The following MAP3K21 variants were observed in gnomAD, a reference collection of about 807,000 sequenced individuals.
MAP3K21 encodes the protein mitogen-activated protein kinase kinase kinase 21.
A neutral mutation model predicts 86.1 loss-of-function variants in MAP3K21; 63 were observed. The observed-to-expected ratio is 0.73, with a 90% confidence interval of 0.60 to 0.90. The LOEUF (loss-of-function observed/expected upper bound fraction) is 0.90. Among genes scored for constraint, MAP3K21 ranks in the 40% least tolerant of loss-of-function variants. The pLI is 0.00. For missense variants in MAP3K21, 1,220 were observed against 1,367.7 expected, an observed-to-expected ratio of 0.89 and a Z score of 1.70; for synonymous variants, 558 against 564.8, an observed-to-expected ratio of 0.99 and a Z score of 0.17.
chr1:233,376,387 T>C (rs1180223360), intron 7 of MAP3K21, 43 bp from the exon 8 acceptor site: 2 of 1,367,710 alleles, frequency 1.5e-6, no homozygotes, highest in African/African-American at 2.9e-5. Context: ...ATTGGTGTGT[T>C]GTGTGCTTCT....
intron 1 of MAP3K21, among the ~76,000 whole-genome samples, chr1:233,331,903 A>G (rs1342807066): frequency 6.6e-6 from 1 of 152,246 alleles, no homozygotes; most frequent in Non-Finnish European, 1.5e-5. Context: ...GTGCCAAGTT[A>G]GCAAGCTTTA....
At chr1:233,336,467 G>A (rs562509139) in intron 1 of MAP3K21, among the ~76,000 whole-genome samples, 4 of 152,090 alleles carry the variant, frequency 2.6e-5, no homozygotes, top group Non-Finnish European at 4.4e-5. Flanking sequence ...CTTGAATCAA[G>A]GAGGTGGAGG....
chr1:233,381,012 G>A (rs1663903084), intron 9 of MAP3K21, among the ~76,000 whole-genome samples: 1 of 152,162 alleles, frequency 6.6e-6, no homozygotes, highest in Non-Finnish European at 1.5e-5. Flanking sequence ...TGACATTTGA[G>A]GAGATAATAT....
chr1:233,354,596 A>G (rs1156301906), intron 3 of MAP3K21, among the ~76,000 whole-genome samples: 1 of 152,204 alleles, frequency 6.6e-6, no homozygotes, highest in Non-Finnish European at 1.5e-5. Context: ...TAATATAGAC[A>G]GCAACAGCCT....
chr1:233,354,392 G>T (rs10797449), intron 3 of MAP3K21, among the ~76,000 whole-genome samples: 1 of 151,872 alleles, frequency 6.6e-6, no homozygotes, highest in Admixed American at 6.6e-5. Context: ...TTTGTAAGCC[G>T]CAAGTTGCCT....
At position 233,383,190 on chromosome 1, in the gene MAP3K21, A is replaced by G. The variant is rs1663953629; in HGVS notation, c.*479A>G. The G allele has an allele frequency of 6.5e-6, 1 of 154,586 alleles. No homozygotes were observed. The highest frequency in any genetic ancestry group is 2.4e-5 in the African/African-American group (1 of 41,348). 9.6% of individuals were successfully genotyped at this position (154,586 alleles called of 1,614,324 possible). On this transcript the variant is annotated 3_prime_UTR_variant, in exon 10 of 10. Transcript: ENST00000366624. ...CATTTTTGCAACAAAAAGCCAAGAAAGAGCTTTAGTTTCTTGGCAAGAATA... is the reference window on the plus strand; with the variant it reads ...CATTTTTGCAACAAAAAGCCAAGAAGGAGCTTTAGTTTCTTGGCAAGAATA...
At chr1:233,340,240 G>A (rs1470350683) in intron 1 of MAP3K21, among the ~76,000 whole-genome samples, 1 of 152,206 alleles carries the variant, frequency 6.6e-6, no homozygotes, top group African/African-American at 2.4e-5. Flanking sequence ...CAGTGGACTT[G>A]TAAGTGGCTT....
intron 1 of MAP3K21, among the ~76,000 whole-genome samples, chr1:233,339,163 C>G (rs972150652): frequency 6.6e-6 from 1 of 151,966 alleles, no homozygotes; most frequent in Non-Finnish European, 1.5e-5. Flanking sequence ...ATTCAAATAA[C>G]TGTTTTGCTA....
At chr1:233,369,007 G>A (rs765886825) in intron 5 of MAP3K21, among the ~76,000 whole-genome samples, 14 of 152,112 alleles carry the variant, frequency 9.2e-5, no homozygotes, top group Non-Finnish European at 1.9e-4. Flanking sequence ...ACTGCCCATA[G>A]AGCACTTACC....
chr1:233,367,195 G>A (rs1335651892), intron 5 of MAP3K21, among the ~76,000 whole-genome samples: 1 of 152,192 alleles, frequency 6.6e-6, no homozygotes, highest in African/African-American at 2.4e-5. Context: ...TCCAAAGCCT[G>A]CAAAAACCAT....
intron 1 of MAP3K21, among the ~76,000 whole-genome samples, chr1:233,340,579 CG>C (rs1663023353): frequency 7.0e-6 from 1 of 142,322 alleles, no homozygotes; most frequent in Non-Finnish European, 1.5e-5. Flanking sequence ...GGTATGTGTC[CG>C]GGGTGGGAGT....
chr1:233,372,248 A>C, intron 6 of MAP3K21, 88 bp downstream of exon 6: 1 of 1,527,098 alleles, frequency 6.5e-7, no homozygotes, highest in Non-Finnish European at 9.0e-7. Flanking sequence ...ATGTGTTTTC[A>C]TAGCAGGTTG....
chr1:233,352,842 T>C (rs1663275108), intron 2 of MAP3K21, among the ~76,000 whole-genome samples: 1 of 152,242 alleles, frequency 6.6e-6, no homozygotes, highest in African/African-American at 2.4e-5. Flanking sequence ...TAACAAAAGA[T>C]ATCTGCGTGT....
rs1663523685 is a variant in MAP3K21 at position 233,364,199 on chromosome 1, T to C, written c.1552+1906T>C. On this transcript the variant is annotated intron_variant, in intron 5 of 9. Coordinates refer to ENST00000366624, the MANE Select transcript of MAP3K21 (RefSeq NM_032435.3). ...GGTCCTTTTCCAGGCTCTCTTCTGA[T>C]GTTTTCCTTAGCTGGAGTGTTGCTT... Among the ~76,000 whole-genome samples, 4 of 79,782 alleles carry C rather than the reference T, an allele frequency of 5.0e-5. No individual in the cohort carries two copies. The Admixed American group carries it at 5.6e-4, about 11-fold the overall frequency. 52.3% of individuals were successfully genotyped at this position (79,782 alleles called of 152,430 possible). A position where few individuals can be genotyped will look rare whatever the true frequency, so the allele number is the denominator to read the frequency against.
chr1:233,372,111 C>T lies in MAP3K21; in HGVS notation c.1626C>T (p.Ser542=), dbSNP rs1439227698. The T allele has an allele frequency of 2.5e-6, 4 of 1,614,046 alleles. No individual in the cohort carries two copies. Among genetic ancestry groups the T allele is most frequent in the Non-Finnish European group, 3.4e-6 (4 of 1,180,020 alleles). The change falls in exon 6 of 10, where the codon TCC becomes TCT. Residue 542 remains serine, a synonymous_variant. Coordinates refer to ENST00000366624, the MANE Select transcript of MAP3K21 (RefSeq NM_032435.3). ...DKRRSLNSSS[S]SPPSSPTMMP... is the part of the protein sequence containing the mutation. ...GGCGGAGCCTGAACAGCAGCAGTTC[C>T]AGTCCCCCGAGCAGCCCCACAATGA...
intron 4 of MAP3K21, among the ~76,000 whole-genome samples, chr1:233,356,125 G>A (rs1375208932): frequency 6.6e-6 from 1 of 152,128 alleles, no homozygotes; most frequent in Non-Finnish European, 1.5e-5. Flanking sequence ...TTTCATGAAT[G>A]GTGGCCCCTC....
At chr1:233,329,547 G>A (rs1053139842) in intron 1 of MAP3K21, among the ~76,000 whole-genome samples, 3 of 152,016 alleles carry the variant, frequency 2.0e-5, no homozygotes, top group African/African-American at 7.2e-5. Context: ...CCAGCTACTC[G>A]GGAGGCGGAG....
At chr1:233,342,760 TGGAA>T (rs1663060757) in intron 1 of MAP3K21, among the ~76,000 whole-genome samples, 1 of 152,102 alleles carries the variant, frequency 6.6e-6, no homozygotes, top group African/African-American at 2.4e-5. Flanking sequence ...TTATTTCAAA[TGGAA>T]GTGGGTCTCT....
intron 5 of MAP3K21, among the ~76,000 whole-genome samples, chr1:233,368,285 T>C (rs1053664956): frequency 6.6e-6 from 1 of 152,172 alleles, no homozygotes; most frequent in Admixed American, 6.5e-5. Flanking sequence ...GACCACCTCT[T>C]TCCCCCAACT....
Sources: gnomAD v4.1 joint callset for allele counts (sites outside exome capture counted in the v4.1 genomes callset) on GRCh38, gnomAD v4.1.1 for gene constraint, MANE v1.5 for transcripts, NCBI Gene and HGNC (gene_info 2026-07-23, HGNC 2026-07-21) for gene names.